The following OSBPL1A variants were observed in gnomAD, a reference collection of about 807,000 sequenced individuals.
The protein encoded by OSBPL1A is oxysterol binding protein like 1A, also known as oxysterol-binding protein-related protein 1.
In OSBPL1A, 80 loss-of-function variants were observed where a neutral mutation model predicts 137.1. That is an observed-to-expected ratio of 0.58 (90% CI 0.49 to 0.70). The LOEUF (loss-of-function observed/expected upper bound fraction) is 0.70. OSBPL1A is among the 30% of genes least tolerant of loss of function. The pLI, the probability that OSBPL1A is intolerant of heterozygous loss-of-function variation, is 0.00. For synonymous variants in OSBPL1A, 365 were observed against 389.7 expected (o/e 0.94, Z 0.75); for missense variants, 970 against 1,129.4 (o/e 0.86, Z 2.02).
chr18:24,376,819 C>G (rs903814173), intron 2 of OSBPL1A, among the ~76,000 whole-genome samples: 1 of 152,252 alleles, frequency 6.6e-6, no homozygotes, highest in Non-Finnish European at 1.5e-5. Context: ...AGCCGCTGGC[C>G]CGGGTGCTAA....
Position 24,170,473 on chromosome 18 carries a change from T to C in OSBPL1A, c.2292-20A>G. ...TTTTTGCTGTCAAGAAAAACTGATG[T>C]TTAGTTAACAAACCAGTGTTTGTTT... is the stretch of plus-strand genomic sequence containing the variant. On this transcript the variant is annotated intron_variant, in intron 23 of 27. Transcript: ENST00000319481. 2 of 1,613,590 alleles carry C rather than the reference T, an allele frequency of 1.2e-6. No individual in the cohort carries two copies. Among genetic ancestry groups the C allele is most frequent in the African/African-American group, 1.3e-5 (1 of 74,964 alleles).
chr18:24,254,587 G>A (rs1329399450), intron 15 of OSBPL1A, among the ~76,000 whole-genome samples: 1 of 152,184 alleles, frequency 6.6e-6, no homozygotes, highest in Non-Finnish European at 1.5e-5. Context: ...TGAATGACCA[G>A]TGGGTCAATG....
intron 17 of OSBPL1A, among the ~76,000 whole-genome samples, chr18:24,213,366 G>A (rs1247406569): frequency 9.9e-5 from 15 of 152,222 alleles, no homozygotes; most frequent in Admixed American, 7.8e-4. Flanking sequence ...TCAGGAGTTC[G>A]AGACCAGCCT....
rs570252749 is a variant in OSBPL1A, at chr18:24,171,625, C to G, written c.2202-127G>C. On this transcript the variant is annotated intron_variant, in intron 22 of 27. Coordinates refer to ENST00000319481, the MANE Select transcript of OSBPL1A (RefSeq NM_080597.4). Reference sequence around the variant, plus strand: ...TTTTCTCTGTGTGCCAGGCTCCATACTAAAGTGATAATGATTAATCCTCAA... The same window carrying G: ...TTTTCTCTGTGTGCCAGGCTCCATAGTAAAGTGATAATGATTAATCCTCAA... The G allele has an allele frequency of 1.8e-4, 124 of 698,860 alleles. 2 individuals are homozygous for G. In the South Asian group the frequency reaches 2.3e-3, roughly 13 times the overall value. 43.3% of individuals were successfully genotyped at this position (698,860 alleles called of 1,614,324 possible). A position where few individuals can be genotyped will look rare whatever the true frequency, so the allele number is the denominator to read the frequency against.
intron 14 of OSBPL1A, among the ~76,000 whole-genome samples, chr18:24,299,269 C>A (rs985502776): frequency 6.6e-6 from 1 of 152,020 alleles, no homozygotes; most frequent in African/African-American, 2.4e-5. Flanking sequence ...TTGTATTCAT[C>A]ATGTTAGTCG....
At chr18:24,392,889 C>T (rs1230549780) in intron 1 of OSBPL1A, among the ~76,000 whole-genome samples, 2 of 152,096 alleles carry the variant, frequency 1.3e-5, no homozygotes, top group African/African-American at 4.8e-5. Context: ...TGTGGTCTGG[C>T]TACATTGCCC....
intron 4 of OSBPL1A, among the ~76,000 whole-genome samples, chr18:24,346,634 A>T (rs1034081546): frequency 1.3e-5 from 2 of 152,198 alleles, no homozygotes; most frequent in Non-Finnish European, 2.9e-5. Context: ...TTTGGTGTGT[A>T]TCAGTACTTC....
intron 14 of OSBPL1A, among the ~76,000 whole-genome samples, chr18:24,292,682 AG>A (rs2090197480): frequency 1.3e-5 from 2 of 152,184 alleles, no homozygotes; most frequent in African/African-American, 4.8e-5. Flanking sequence ...ACACACTCAT[AG>A]GAAGTCTGAT....
intron 18 of OSBPL1A, among the ~76,000 whole-genome samples, chr18:24,195,599 G>A (rs2087008109): frequency 6.6e-6 from 1 of 152,168 alleles, no homozygotes; most frequent in African/African-American, 2.4e-5. Flanking sequence ...TGACATCAGG[G>A]TGGTGGTGTT....
chr18:24,201,448 G>A (rs2087217344), intron 17 of OSBPL1A, among the ~76,000 whole-genome samples: 1 of 152,168 alleles, frequency 6.6e-6, no homozygotes, highest in Non-Finnish European at 1.5e-5. Context: ...ATCTTTAAAC[G>A]TTATTTGGAT....
intron 14 of OSBPL1A, among the ~76,000 whole-genome samples, chr18:24,301,130 T>C (rs2090392683): frequency 6.6e-6 from 1 of 152,254 alleles, no homozygotes; most frequent in African/African-American, 2.4e-5. Context: ...TTATTACTTA[T>C]GTAAAATGCA....
chr18:24,317,370 A>C lies in OSBPL1A; in HGVS notation c.763T>G (p.Trp255Gly). The C allele has an allele frequency of 1.2e-6, 2 of 1,613,914 alleles. No individual in the cohort carries two copies. The highest frequency in any genetic ancestry group is 1.7e-6 in the Non-Finnish European group (2 of 1,179,868). ...SSRFFGWRLFWVVLEHGVLSW... is the reference protein window; with the variant it reads ...SSRFFGWRLFGVVLEHGVLSW... ...AGGACTCCATGCTCTAACACTACCCAGAATAATCTCCAGCCAAAAAATCTT... is the reference window on the plus strand; with the variant it reads ...AGGACTCCATGCTCTAACACTACCCCGAATAATCTCCAGCCAAAAAATCTT... Residue 255 changes from tryptophan to glycine, a missense_variant, in exon 10 of 28, where the codon TGG becomes GGG. Around this residue, in one of 2 missense-constraint regions of OSBPL1A, gnomAD observed 647 missense variants for 672.6 expected, o/e 0.96. Transcript: ENST00000319481.
chr18:24,380,690 G>A (rs918860250), intron 1 of OSBPL1A, among the ~76,000 whole-genome samples: 10 of 152,188 alleles, frequency 6.6e-5, no homozygotes, highest in Non-Finnish European at 1.3e-4. Flanking sequence ...GGTGGCTCAC[G>A]CCTGTAATCC....
At position 24,366,937 on chromosome 18, in the gene OSBPL1A, GTC is replaced by G. The variant is rs1568057504; in HGVS notation, c.235_236del (p.Asp79HisfsTer25). 28 of 1,612,450 alleles carry G rather than the reference GTC, an allele frequency of 1.7e-5. No homozygotes were observed. In the East Asian group the frequency reaches 6.0e-4, roughly 35 times the overall value. ...CTCGATGAAGCGGCGTGTCTCCCATGTCATTCAACACATTCACTTCTGCACCA... is the reference window on the plus strand; with the variant it reads ...CTCGATGAAGCGGCGTGTCTCCCATGATTCAACACATTCACTTCTGCACCA... ...KAGAEVNVLN[D>X]MGDTPLHRAA... On this transcript the variant is annotated frameshift_variant, in exon 4 of 28. Transcript: ENST00000319481. LOFTEE classifies it high-confidence loss of function.
At chr18:24,195,244 T>C (rs2086995054) in intron 18 of OSBPL1A, among the ~76,000 whole-genome samples, 1 of 151,972 alleles carries the variant, frequency 6.6e-6, no homozygotes. Context: ...GAGGCTACAG[T>C]GAGCCATGAG....
chr18:24,236,888 CA>C (rs1449780214), intron 16 of OSBPL1A, among the ~76,000 whole-genome samples: 2 of 152,066 alleles, frequency 1.3e-5, no homozygotes, highest in Non-Finnish European at 2.9e-5. Flanking sequence ...TACTGAGAAA[CA>C]GAAAGATAGT....
At chr18:24,307,607 TATC>T (rs1245355062) in intron 13 of OSBPL1A, among the ~76,000 whole-genome samples, 4 of 152,182 alleles carry the variant, frequency 2.6e-5, no homozygotes, top group South Asian at 2.1e-4. Context: ...TCCCAAGTAG[TATC>T]ATATTTGGTA....
chr18:24,178,287 A>G (rs546227602), intron 20 of OSBPL1A, 92 bp from the exon 21 acceptor site: 73 of 1,185,660 alleles, frequency 6.2e-5, no homozygotes, highest in South Asian at 5.7e-4. Flanking sequence ...CTTTCAAAGT[A>G]AACAATTCTT....
intron 26 of OSBPL1A, 27 bp downstream of exon 26, chr18:24,166,552 C>T (rs1328657061): frequency 1.3e-6 from 2 of 1,596,320 alleles, no homozygotes; most frequent in Non-Finnish European, 1.7e-6. Flanking sequence ...TGAGTCTTCA[C>T]TGGTGGCTTT....
Sources: allele counts gnomAD v4.1 joint callset (sites outside exome capture counted in the v4.1 genomes callset), GRCh38; gene constraint gnomAD v4.1.1; regional missense constraint gnomAD v4.1.1; transcripts MANE v1.5; gene names NCBI Gene and HGNC (gene_info 2026-07-23, HGNC 2026-07-21).